The following CATSPERB variants were observed in gnomAD, a reference collection of about 807,000 sequenced individuals.
The protein encoded by CATSPERB is cation channel sperm-associated auxiliary subunit beta.
A neutral mutation model predicts 128.3 loss-of-function variants in CATSPERB; 93 were observed. That is an observed-to-expected ratio of 0.72 (90% CI 0.61 to 0.86). CATSPERB has a LOEUF of 0.86. CATSPERB is among the 40% of genes least tolerant of loss of function. The probability of loss-of-function intolerance (pLI) is 0.00; values close to 1 mark genes in which losing one functional copy is unlikely to be tolerated. For missense variants in CATSPERB, 1,153 were observed against 1,329.5 expected, an observed-to-expected ratio of 0.87 and a Z score of 2.06; for synonymous variants, 381 against 448.8, an observed-to-expected ratio of 0.85 and a Z score of 1.91.
Position 91,681,026 on chromosome 14 carries a change from C to T in CATSPERB, c.931+2851G>A, listed in dbSNP as rs144803403. ...ATTATAAACAGGACCTAAGCCCATG[C>T]CAGAAAACGATTAAGTCTCCCCACA... is the stretch of plus-strand genomic sequence containing the variant. On this transcript the variant is annotated intron_variant, in intron 11 of 26. Transcript: ENST00000256343. Among the ~76,000 whole-genome samples the T allele has an allele frequency of 5.0e-3, 762 of 152,228 alleles. 25 individuals are homozygous for T. Among genetic ancestry groups the T allele is most frequent in the Admixed American group, 0.046 (700 of 15,278 alleles).
At chr14:91,636,716 G>A (rs555133648) in intron 16 of CATSPERB, 137 bp from the exon 17 acceptor site, 28 of 524,728 alleles carry the variant, frequency 5.3e-5, no homozygotes, top group Admixed American at 1.2e-4. Flanking sequence ...ATAAGTCAAC[G>A]TGTTCTGTTG....
chr14:91,628,109 A>G (rs1038498706), intron 17 of CATSPERB, among the ~76,000 whole-genome samples: 4 of 152,202 alleles, frequency 2.6e-5, no homozygotes, highest in African/African-American at 9.6e-5. Flanking sequence ...CTTCAGCTCA[A>G]ATAATCTTTA....
rs147966229 is a variant in CATSPERB, at chr14:91,650,145, C to T, written c.1432+9692G>A. ...CATAGTGGTCAATTGCCTACCCATGCATGTACTTTGTCTCAGTTATTTATA... is the reference window on the plus strand; with the variant it reads ...CATAGTGGTCAATTGCCTACCCATGTATGTACTTTGTCTCAGTTATTTATA... On this transcript the variant is annotated intron_variant, in intron 15 of 26. Transcript: ENST00000256343. Among the ~76,000 whole-genome samples, 35 of 152,310 alleles carry T rather than the reference C, an allele frequency of 2.3e-4. No individual in the cohort carries two copies. The East Asian group carries it at 5.0e-3, about 22-fold the overall frequency.
chr14:91,637,288 T>C (rs961918904), intron 16 of CATSPERB, among the ~76,000 whole-genome samples: 1 of 152,166 alleles, frequency 6.6e-6, no homozygotes, highest in Non-Finnish European at 1.5e-5. Flanking sequence ...ATCTGTCCCA[T>C]AGTGCCTCCA....
At chr14:91,606,520 G>T (rs1253120739) in intron 22 of CATSPERB, among the ~76,000 whole-genome samples, 1 of 152,170 alleles carries the variant, frequency 6.6e-6, no homozygotes, top group African/African-American at 2.4e-5. Flanking sequence ...CTGAGATCAC[G>T]CCACTGCACT....
chr14:91,616,709 T>C (rs1379654942), intron 20 of CATSPERB, among the ~76,000 whole-genome samples: 1 of 151,252 alleles, frequency 6.6e-6, no homozygotes, highest in Non-Finnish European at 1.5e-5. Context: ...AACTAATGAA[T>C]TTCTTATTAT....
intron 15 of CATSPERB, among the ~76,000 whole-genome samples, chr14:91,650,808 A>G (rs1478305681): frequency 1.3e-5 from 2 of 152,148 alleles, no homozygotes; most frequent in African/African-American, 2.4e-5. Flanking sequence ...AGAAATCCCT[A>G]CAATTTTGCA....
At chr14:91,658,612 A>G (rs560971989) in intron 15 of CATSPERB, among the ~76,000 whole-genome samples, 1 of 149,278 alleles carries the variant, frequency 6.7e-6, no homozygotes, top group Non-Finnish European at 1.5e-5. Flanking sequence ...CCCCGATATG[A>G]TTATTACACA....
chr14:91,693,368 A>G lies in CATSPERB; in HGVS notation c.712+16T>C, dbSNP rs1408235672. On this transcript the variant is annotated intron_variant, in intron 8 of 26. Coordinates refer to ENST00000256343, the MANE Select transcript of CATSPERB (RefSeq NM_024764.4). ...AAGTAAAATGCTCAAGATGAAGGCA[A>G]TGTTAGAGGAGTTACCTTCTTGAAG... 1.9e-6 allele frequency: 3 copies of G among 1,599,462 alleles called. No individual in the cohort carries two copies. Among genetic ancestry groups the G allele is most frequent in the Middle Eastern group, 1.7e-4 (1 of 6,040 alleles).
At chr14:91,592,348 C>G (rs931597493) in intron 22 of CATSPERB, 6 of 303,128 alleles carry the variant, frequency 2.0e-5, no homozygotes, top group African/African-American at 1.3e-4. Flanking sequence ...CAGACGGAAA[C>G]ATAAAATGAG....
chr14:91,640,865 T>C (rs560858146), intron 15 of CATSPERB, among the ~76,000 whole-genome samples: 1,942 of 150,408 alleles, frequency 0.013, 42 homozygotes, highest in African/African-American at 0.043. Context: ...CCACCAACAG[T>C]GTAAAAGTGT....
intron 22 of CATSPERB, among the ~76,000 whole-genome samples, chr14:91,607,701 T>G (rs1893737650): frequency 6.6e-6 from 1 of 151,946 alleles, no homozygotes; most frequent in Non-Finnish European, 1.5e-5. Flanking sequence ...CGTGCACATG[T>G]GTATGAATGA....
chr14:91,717,281 G>T (rs1476158754), intron 5 of CATSPERB, among the ~76,000 whole-genome samples: 3 of 152,268 alleles, frequency 2.0e-5, no homozygotes, highest in Admixed American at 1.3e-4. Context: ...TGTCTTGACT[G>T]CAGTGCTCAC....
At chr14:91,633,675 A>T (rs28861211) in intron 17 of CATSPERB, among the ~76,000 whole-genome samples, 2,186 of 152,234 alleles carry the variant, frequency 0.014, 46 homozygotes, top group African/African-American at 0.049. Flanking sequence ...TTAAATAAAA[A>T]GTTAAAGGAA....
intron 6 of CATSPERB, 110 bp from the exon 7 acceptor site, chr14:91,704,811 C>CA: frequency 1.8e-6 from 2 of 1,119,406 alleles, no homozygotes; most frequent in South Asian, 1.7e-5. Context: ...TTCTATAGTT[C>CA]AAAAAAGGTG....
At chr14:91,614,761 A>G (rs956132929) in intron 20 of CATSPERB, among the ~76,000 whole-genome samples, 6 of 152,224 alleles carry the variant, frequency 3.9e-5, no homozygotes, top group African/African-American at 1.4e-4. Flanking sequence ...ACACCACTGC[A>G]CTTCAGCCTG....
intron 5 of CATSPERB, among the ~76,000 whole-genome samples, chr14:91,713,554 G>A (rs4900085): frequency 0.5 from 76,535 of 151,920 alleles, 19,992 homozygotes; most frequent in Admixed American, 0.58. Flanking sequence ...CTCCGTGTCC[G>A]TAGATTCAAC....
At chr14:91,597,554 T>C (rs967012694) in intron 22 of CATSPERB, among the ~76,000 whole-genome samples, 3 of 152,242 alleles carry the variant, frequency 2.0e-5, no homozygotes, top group Non-Finnish European at 4.4e-5. Flanking sequence ...GGGATCCATA[T>C]ACTGGTTTTG....
chr14:91,639,331 C>T, intron 15 of CATSPERB, 81 bp from the exon 16 acceptor site: 1 of 1,167,558 alleles, frequency 8.6e-7, no homozygotes, highest in South Asian at 1.5e-5. Flanking sequence ...TGTAAAGACA[C>T]CTTCATTTAA....
Sources: allele counts gnomAD v4.1 joint callset (sites outside exome capture counted in the v4.1 genomes callset), GRCh38; gene constraint gnomAD v4.1.1; transcripts MANE v1.5; gene names NCBI Gene and HGNC (gene_info 2026-07-23, HGNC 2026-07-21).